HHLA2: variants seen among roughly 807,000 people sequenced by gnomAD.
HHLA2 encodes the protein HHLA2 member of B7 family, also known as HERV-H LTR-associating protein 2.
HHLA2 carries 48 observed loss-of-function variants against 45.9 expected under a neutral mutation model. The ratio of observed to expected loss-of-function variants is 1.05; its 90% CI spans 0.83 to 1.33. The LOEUF (loss-of-function observed/expected upper bound fraction) is 1.33. HHLA2 is among the 40% of genes most tolerant of loss of function. The pLI, the probability that HHLA2 is intolerant of heterozygous loss-of-function variation, is 0.00. For missense variants in HHLA2, 462 were observed against 494.3 expected, an observed-to-expected ratio of 0.93 and a Z score of 0.62; for synonymous variants, 161 against 173.9, an observed-to-expected ratio of 0.93 and a Z score of 0.59.
intron 3 of HHLA2, among the ~76,000 whole-genome samples, chr3:108,343,492 A>G (rs1481591984): frequency 1.3e-5 from 2 of 152,354 alleles, no homozygotes; most frequent in East Asian, 3.9e-4. Context: ...ACATAGGTGC[A>G]AGTACTTGAT....
intron 3 of HHLA2, among the ~76,000 whole-genome samples, chr3:108,328,946 A>G (rs754738014): frequency 6.6e-6 from 1 of 152,156 alleles, no homozygotes; most frequent in Admixed American, 6.5e-5. Context: ...AAGAAATTAC[A>G]TCTTAGAATC....
intron 2 of HHLA2, among the ~76,000 whole-genome samples, chr3:108,321,396 T>C (rs559500076): frequency 6.6e-6 from 1 of 152,366 alleles, no homozygotes; most frequent in South Asian, 2.1e-4. Context: ...ATAGTGCATG[T>C]CTGAAAATGT....
intron 8 of HHLA2, among the ~76,000 whole-genome samples, chr3:108,369,597 T>C (rs902656921): frequency 6.6e-6 from 1 of 152,026 alleles, no homozygotes; most frequent in Non-Finnish European, 1.5e-5. Context: ...ATCTGGAAAA[T>C]TGGGTCACTC....
At chr3:108,309,709 A>G (rs1002947414) in intron 1 of HHLA2, among the ~76,000 whole-genome samples, 4 of 152,142 alleles carry the variant, frequency 2.6e-5, no homozygotes, top group African/African-American at 9.7e-5. Flanking sequence ...TAATAGCAAC[A>G]TGACTTACTG....
intron 1 of HHLA2, among the ~76,000 whole-genome samples, chr3:108,304,596 G>A (rs776611550): frequency 2.6e-5 from 4 of 152,108 alleles, no homozygotes; most frequent in Admixed American, 2.0e-4. Flanking sequence ...GGTTCTAGGT[G>A]GATGTGAAAT....
At chr3:108,322,941 G>A (rs890070306) in intron 2 of HHLA2, among the ~76,000 whole-genome samples, 2 of 151,988 alleles carry the variant, frequency 1.3e-5, no homozygotes, top group Admixed American at 6.6e-5. Flanking sequence ...ACAAGTTGGT[G>A]GACTTTCACA....
chr3:108,348,286 G>C (rs978329224), intron 3 of HHLA2, among the ~76,000 whole-genome samples: 1 of 152,116 alleles, frequency 6.6e-6, no homozygotes, highest in African/African-American at 2.4e-5. Flanking sequence ...AACAAAGGCA[G>C]GTAACAGTCA....
At chr3:108,371,667 G>A (rs1335963000) in intron 8 of HHLA2, among the ~76,000 whole-genome samples, 1 of 152,098 alleles carries the variant, frequency 6.6e-6, no homozygotes, top group Non-Finnish European at 1.5e-5. Context: ...AAATGCAGGA[G>A]TTGCAATCCT....
chr3:108,346,736 G>T (rs2081667442), intron 3 of HHLA2, among the ~76,000 whole-genome samples: 1 of 152,182 alleles, frequency 6.6e-6, no homozygotes, highest in Non-Finnish European at 1.5e-5. Context: ...ATTGTGAAAT[G>T]GTTTTGAGCG....
At chr3:108,309,091 A>G (rs2080977040) in intron 1 of HHLA2, among the ~76,000 whole-genome samples, 1 of 152,096 alleles carries the variant, frequency 6.6e-6, no homozygotes, top group Admixed American at 6.6e-5. Context: ...CCCCAGACCA[A>G]TGTCCTAGAG....
chr3:108,304,056 C>T (rs948120251), intron 1 of HHLA2, among the ~76,000 whole-genome samples: 4 of 152,062 alleles, frequency 2.6e-5, no homozygotes, highest in African/African-American at 4.8e-5. Context: ...TGTGTATACG[C>T]GTGTGTAGTG....
intron 2 of HHLA2, among the ~76,000 whole-genome samples, chr3:108,312,894 A>T (rs114187598): frequency 0.016 from 2,379 of 152,278 alleles, 46 homozygotes; most frequent in African/African-American, 0.054. Context: ...TGAGATGGTG[A>T]AATGGAGGTT....
intron 6 of HHLA2, among the ~76,000 whole-genome samples, chr3:108,356,983 G>A (rs541979664): frequency 3.9e-5 from 6 of 152,302 alleles, no homozygotes; most frequent in Middle Eastern, 3.4e-3. Flanking sequence ...AAATTGCCTG[G>A]ATTTGTGGAA....
intron 3 of HHLA2, among the ~76,000 whole-genome samples, chr3:108,329,618 T>C (rs1306544841): frequency 6.6e-6 from 1 of 152,302 alleles, no homozygotes; most frequent in East Asian, 1.9e-4. Context: ...GGCATGGCAC[T>C]AATTCACAAC....
At chr3:108,356,718 G>C (rs1312269860) in intron 6 of HHLA2, among the ~76,000 whole-genome samples, 1 of 152,158 alleles carries the variant, frequency 6.6e-6, no homozygotes, top group Non-Finnish European at 1.5e-5. Flanking sequence ...GCCAAGTTTT[G>C]TTGCTCACAG....
At chr3:108,335,374 A>G (rs1009176389) in intron 3 of HHLA2, among the ~76,000 whole-genome samples, 1 of 152,152 alleles carries the variant, frequency 6.6e-6, no homozygotes, top group African/African-American at 2.4e-5. Context: ...ATTGAGTACA[A>G]AGGATGACTT....
At chr3:108,298,427 A>G (rs1449848729) in intron 1 of HHLA2, among the ~76,000 whole-genome samples, 1 of 152,194 alleles carries the variant, frequency 6.6e-6, no homozygotes, top group Non-Finnish European at 1.5e-5. Flanking sequence ...CTTGGTATTC[A>G]GTTGTAGTGT....
chr3:108,311,829 G>A (rs1000783668), intron 2 of HHLA2: 6 of 152,208 alleles, frequency 3.9e-5, no homozygotes, highest in African/African-American at 1.4e-4. Context: ...AAACACAGCT[G>A]TTTTGGTAAG....
rs2081971307 is a variant in HHLA2, at chr3:108,360,685, A to G, written c.1004-1657A>G. On this transcript the variant is annotated intron_variant, in intron 7 of 10. Coordinates refer to ENST00000619531, the Ensembl canonical transcript of HHLA2. Reference sequence around the variant, plus strand: ...CCCAGGTGGGATGCAGTGGCGTGACACGATATTTCTTCATGCTACTCAGAA... The same window carrying G: ...CCCAGGTGGGATGCAGTGGCGTGACGCGATATTTCTTCATGCTACTCAGAA... Among the ~76,000 whole-genome samples the G allele has an allele frequency of 2.0e-5, 3 of 152,306 alleles. No individual in the cohort carries two copies. The South Asian group carries it at 6.2e-4, about 32-fold the overall frequency.
Sources: gnomAD v4.1 joint callset for allele counts (sites outside exome capture counted in the v4.1 genomes callset) on GRCh38, gnomAD v4.1.1 for gene constraint, MANE v1.5 for transcripts, NCBI Gene and HGNC (gene_info 2026-07-23, HGNC 2026-07-21) for gene names.